Variants in ZZEF1 observed in about 807,000 individuals in gnomAD.
ZZEF1 encodes zinc finger ZZ-type and EF-hand domain containing 1, also known as zinc finger ZZ-type and EF-hand domain-containing protein 1.
ZZEF1 carries 157 observed loss-of-function variants against 342.8 expected under a neutral mutation model. The observed-to-expected ratio is 0.46, with a 90% CI of 0.40 to 0.52. ZZEF1 has a LOEUF of 0.52. Ranked by LOEUF, ZZEF1 falls within the 20% of genes least tolerant of loss-of-function variation. The probability of loss-of-function intolerance (pLI) is 0.00; values close to 1 mark genes in which losing one functional copy is unlikely to be tolerated. For synonymous variants in ZZEF1, 1,505 were observed against 1,429.1 expected (o/e 1.05, Z -1.20); for missense variants, 3,480 against 3,725.6 (o/e 0.93, Z 1.72).
intron 3 of ZZEF1, among the ~76,000 whole-genome samples, chr17:4,116,669 C>T (rs1393931487): frequency 1.3e-5 from 2 of 152,156 alleles, no homozygotes; most frequent in African/African-American, 4.8e-5. Flanking sequence ...TAACAATAAG[C>T]GCGATTTCCA....
chr17:4,076,518 G>A, intron 21 of ZZEF1, 119 bp downstream of exon 21: 1 of 1,308,718 alleles, frequency 7.6e-7, no homozygotes, highest in Non-Finnish European at 1.0e-6. Context: ...ATAAAATCAA[G>A]GGAGCCTTCT....
Position 4,142,946 on chromosome 17 carries a change from C to A in ZZEF1, c.-51G>T. The A allele has an allele frequency of 1.5e-6, 2 of 1,301,498 alleles. No individual in the cohort carries two copies. The highest frequency in any genetic ancestry group is 2.3e-5 in the South Asian group (1 of 42,602). 80.6% of individuals were successfully genotyped at this position (1,301,498 alleles called of 1,614,324 possible). ...TCTGCAGCCGCCGCCGCCGCCTCCC[C>A]GCCTCGACCTGTCAACCTCCGACAG... On this transcript the variant is annotated 5_prime_UTR_variant, in exon 1 of 55. Transcript: ENST00000381638.
chr17:4,103,360 T>C (rs1240969647), intron 8 of ZZEF1, among the ~76,000 whole-genome samples: 1 of 149,930 alleles, frequency 6.7e-6, no homozygotes, highest in Non-Finnish European at 1.5e-5. Context: ...CTGGTCAACA[T>C]GGGGAGAGCT....
rs1003577936 is a variant in ZZEF1, at chr17:4,112,203, T to C, written c.1066+406A>G. ...CTCTGTCACCCAGGCTGGAGTGCAG[T>C]GGTGTGATCTCAGCTCACTGCAGCC... On this transcript the variant is annotated intron_variant, in intron 5 of 54. Transcript: ENST00000381638. Among the ~76,000 whole-genome samples the C allele has an allele frequency of 5.3e-5, 8 of 150,886 alleles. No individual in the cohort carries two copies. The Admixed American group carries it at 5.3e-4, about 10-fold the overall frequency.
At chr17:4,135,358 C>T (rs947266558) in intron 1 of ZZEF1, among the ~76,000 whole-genome samples, 2 of 152,096 alleles carry the variant, frequency 1.3e-5, no homozygotes, top group Non-Finnish European at 2.9e-5. Flanking sequence ...CACCTGTAGT[C>T]CCAGCTACTC....
chr17:4,093,121 C>T (rs8080485), intron 11 of ZZEF1, among the ~76,000 whole-genome samples: 1 of 151,960 alleles, frequency 6.6e-6, no homozygotes. Context: ...GAATAGGCCT[C>T]TATTTAGGTT....
chr17:4,120,387 C>T (rs2058464098), intron 2 of ZZEF1, among the ~76,000 whole-genome samples: 1 of 151,780 alleles, frequency 6.6e-6, no homozygotes, highest in Non-Finnish European at 1.5e-5. Context: ...CCTTTAGAAC[C>T]CCTTCTGGTA....
chr17:4,056,435 T>C lies in ZZEF1; in HGVS notation c.5166-90A>G, dbSNP rs191384412. ...GCAGACCCTGTGTCTATAGGTCTATTATATTGGGCATTTTTCAACTTCTGA... is the reference window on the plus strand; with the variant it reads ...GCAGACCCTGTGTCTATAGGTCTATCATATTGGGCATTTTTCAACTTCTGA... On this transcript the variant is annotated intron_variant, in intron 32 of 54. Coordinates refer to ENST00000381638, the MANE Select transcript of ZZEF1 (RefSeq NM_015113.4). The C allele has an allele frequency of 3.7e-4, 489 of 1,310,368 alleles. 1 individual carries two copies. The highest frequency in any genetic ancestry group is 4.4e-4 in the Non-Finnish European group (444 of 1,011,772). 81.2% of individuals were successfully genotyped at this position (1,310,368 alleles called of 1,614,324 possible).
intron 16 of ZZEF1, among the ~76,000 whole-genome samples, chr17:4,083,718 A>G (rs1597866666): frequency 1.4e-5 from 2 of 145,594 alleles, no homozygotes; most frequent in African/African-American, 5.1e-5. Context: ...GCTCACCACA[A>G]CCTCTGCCTC....
chr17:4,049,773 C>A lies in ZZEF1; in HGVS notation c.5950G>T (p.Gly1984Ter). 6.2e-7 allele frequency: 1 copy of A among 1,614,156 alleles called. No homozygotes were observed. Among genetic ancestry groups the A allele is most frequent in the Non-Finnish European group, 8.5e-7 (1 of 1,180,024 alleles). The change falls in exon 37 of 55, where the codon GGA (glycine) becomes TGA (stop). Residue 1984 changes from glycine to a stop codon, truncating the protein, a stop_gained. Coordinates refer to ENST00000381638, the MANE Select transcript of ZZEF1 (RefSeq NM_015113.4). LOFTEE classifies it high-confidence loss of function. ...DQALPVTVPT[G>*]ASEEQLEKKA... ...TTCTCTAGCTGCTCCTCTGACGCTCCGGTGGGCACAGTGACTGGTAGGGCC... is the reference window on the plus strand; with the variant it reads ...TTCTCTAGCTGCTCCTCTGACGCTCAGGTGGGCACAGTGACTGGTAGGGCC...
intron 1 of ZZEF1, among the ~76,000 whole-genome samples, chr17:4,125,244 G>A (rs758600712): frequency 1.3e-5 from 2 of 151,896 alleles, no homozygotes; most frequent in Non-Finnish European, 2.9e-5. Context: ...CTCACACATC[G>A]CTCTCACCAT....
Position 4,114,348 on chromosome 17 carries a change from T to C in ZZEF1, c.817A>G (p.Thr273Ala), listed in dbSNP as rs764865164. ...CCATCTGACTGCCAGTAGGATGAGGTTTCTCCATTTGTCATCTTGTCAATG... is the reference window on the plus strand; with the variant it reads ...CCATCTGACTGCCAGTAGGATGAGGCTTCTCCATTTGTCATCTTGTCAATG... ...ADIDKMTNGE[T>A]SSYWQSDGSA... The change falls in exon 4 of 55, where the codon ACC (threonine) becomes GCC (alanine). Residue 273 changes from threonine (T) to alanine (A), a missense_variant. By Grantham distance (58) the Thr-to-Ala change is moderately conservative. This residue lies in a region of ZZEF1 where 416 missense variants were observed against 374.2 expected (regional missense o/e 1.11). Transcript: ENST00000381638. 12 of 1,611,478 alleles carry C rather than the reference T, an allele frequency of 7.4e-6. No homozygotes were observed. In the East Asian group the frequency reaches 2.5e-4, roughly 33 times the overall value.
At chr17:4,104,609 AC>A in intron 8 of ZZEF1, 23 bp downstream of exon 8, 1 of 1,609,978 alleles carries the variant, frequency 6.2e-7, no homozygotes, top group Non-Finnish European at 8.5e-7. Context: ...CATTTCTATC[AC>A]CCCCATGTTT....
At chr17:4,078,087 T>C in intron 18 of ZZEF1, 45 bp from the exon 19 acceptor site, 1 of 1,589,440 alleles carries the variant, frequency 6.3e-7, no homozygotes, top group South Asian at 1.1e-5. Flanking sequence ...ACAAGGCCAT[T>C]CACAGAGCAT....
At chr17:4,038,498 T>A (rs1238847060) in intron 39 of ZZEF1, among the ~76,000 whole-genome samples, 2 of 152,126 alleles carry the variant, frequency 1.3e-5, no homozygotes, top group Non-Finnish European at 2.9e-5. Flanking sequence ...ACAAACATAA[T>A]GTTGAGCAGA....
At position 4,059,156 on chromosome 17, in the gene ZZEF1, A is replaced by G. The variant is rs9900661; in HGVS notation, c.5003+15T>C. The G allele has an allele frequency of 0.19, 293,908 of 1,544,972 alleles. 28,948 individuals carry two copies. The highest frequency in any genetic ancestry group is 0.28 in the African/African-American group (20,088 of 71,162). ...TACATTTTTTTTCTCTAGAAATGAT[A>G]AAGTTATCCAGTACCTGTCATTTAG... On this transcript the variant is annotated intron_variant, in intron 31 of 54. Transcript: ENST00000381638.
intron 42 of ZZEF1, among the ~76,000 whole-genome samples, chr17:4,028,664 G>A (rs1443874851): frequency 1.3e-5 from 2 of 151,454 alleles, no homozygotes; most frequent in East Asian, 3.9e-4. Flanking sequence ...TTTAAAAAAA[G>A]ACAAGAAATC....
In ZZEF1 at chr17:4,008,811, T is replaced by C; in HGVS notation, c.8805+72A>G. On this transcript the variant is annotated intron_variant, in intron 54 of 54. Transcript: ENST00000381638. This position sits in a 1 kb window ranked among gnomAD's most constrained non-coding sequence, Gnocchi z 4.2. ...CTACTCAGACGCAATGTACAGACCT[T>C]CTCTGCCCTGGCAATGGTGAGATGG... 1 of 1,533,880 alleles carries C rather than the reference T, an allele frequency of 6.5e-7. No individual in the cohort carries two copies. Among genetic ancestry groups the C allele is most frequent in the Non-Finnish European group, 8.7e-7 (1 of 1,142,884 alleles).
chr17:4,111,186 G>A (rs971384410), intron 5 of ZZEF1, among the ~76,000 whole-genome samples: 1 of 150,222 alleles, frequency 6.7e-6, no homozygotes, highest in African/African-American at 2.5e-5. Flanking sequence ...GTGTAGATAT[G>A]TGTGCATATA....
Sources: allele counts gnomAD v4.1 joint callset (sites outside exome capture counted in the v4.1 genomes callset), GRCh38; gene constraint gnomAD v4.1.1; regional missense constraint gnomAD v4.1.1; non-coding constraint Gnocchi (gnomAD v3.1); transcripts MANE v1.5; gene names NCBI Gene and HGNC (gene_info 2026-07-23, HGNC 2026-07-21).